The following DACH2 variants were observed in gnomAD, a reference collection of about 807,000 sequenced individuals.
DACH2 encodes the protein dachshund homolog 2.
In DACH2, 17 loss-of-function variants were observed where a neutral mutation model predicts 35.8. The observed-to-expected ratio is 0.48, with a 90% CI of 0.33 to 0.71. The LOEUF (loss-of-function observed/expected upper bound fraction) is 0.71. Among genes scored for constraint, DACH2 ranks in the 30% least tolerant of loss-of-function variants. DACH2 has a pLI of 0.02. For missense variants in DACH2, 469 were observed against 472.7 expected (o/e 0.99, Z 0.07); for synonymous variants, 195 against 177.3 (o/e 1.10, Z -0.79).
intron 1 of DACH2, among the ~76,000 whole-genome samples, chrX:86,331,153 T>A: frequency 9.0e-6 from 1 of 111,104 alleles, no homozygotes; most frequent in Non-Finnish European, 1.9e-5. Context: ...CACCATGGAG[T>A]TTGCACATGT....
At chrX:86,459,838 T>A (rs768084269) in intron 2 of DACH2, among the ~76,000 whole-genome samples, 1 of 105,049 alleles carries the variant, frequency 9.5e-6, no homozygotes, top group South Asian at 4.4e-4. Flanking sequence ...GTAAAACAAA[T>A]GCCATTAATG....
At chrX:86,664,832 C>A (rs1212720078) in intron 4 of DACH2, among the ~76,000 whole-genome samples, 1 of 112,051 alleles carries the variant, frequency 8.9e-6, no homozygotes, top group Admixed American at 9.5e-5. Flanking sequence ...GAATTCTCAG[C>A]TATTATGCAG....
intron 2 of DACH2, among the ~76,000 whole-genome samples, chrX:86,429,098 G>C (rs1392772650): frequency 9.0e-6 from 1 of 111,010 alleles, no homozygotes; most frequent in Non-Finnish European, 1.9e-5. Flanking sequence ...GGCATATACT[G>C]TACAGGTTGT....
At chrX:86,745,957 T>C (rs146118275) in intron 7 of DACH2, among the ~76,000 whole-genome samples, 15 of 111,420 alleles carry the variant, frequency 1.3e-4, no homozygotes, top group Admixed American at 1.9e-4. Context: ...TATCTCATAG[T>C]GGTTTTGGTT....
At chrX:86,805,100 G>A (rs763374642) in intron 7 of DACH2, among the ~76,000 whole-genome samples, 3 of 112,500 alleles carry the variant, frequency 2.7e-5, no homozygotes, top group Admixed American at 9.3e-5. Flanking sequence ...CTCTGCACTC[G>A]TAGAGGTTCT....
chrX:86,750,695 C>A (rs2041763861), intron 7 of DACH2, among the ~76,000 whole-genome samples: 1 of 111,989 alleles, frequency 8.9e-6, no homozygotes, highest in Non-Finnish European at 1.9e-5. Flanking sequence ...CAGTGTTTGT[C>A]ATTGTGTGAC....
chrX:86,637,246 A>AAAAAAAAAAAAAAAAAAG (rs2040282352), intron 3 of DACH2, among the ~76,000 whole-genome samples: 1 of 81,849 alleles, frequency 1.2e-5, no homozygotes, highest in African/African-American at 4.9e-5. Flanking sequence ...AAAAAAAAAA[A>AAAAAAAAAAAAAAAAAAG]CAGATGCTGG....
At chrX:86,243,320 G>A (rs909453261) in intron 1 of DACH2, among the ~76,000 whole-genome samples, 4 of 111,844 alleles carry the variant, frequency 3.6e-5, no homozygotes, top group Non-Finnish European at 5.6e-5. Context: ...CAAATAGGTA[G>A]ATTTTAGTTA....
At chrX:86,598,261 A>C (rs901135865) in intron 3 of DACH2, among the ~76,000 whole-genome samples, 1 of 111,285 alleles carries the variant, frequency 9.0e-6, no homozygotes, top group Non-Finnish European at 1.9e-5. Context: ...GTCCCTCTTT[A>C]TTGCTGGTAA....
At chrX:86,198,765 A>C (rs112936334) in intron 1 of DACH2, among the ~76,000 whole-genome samples, 3,966 of 110,999 alleles carry the variant, frequency 0.036, 192 homozygotes, top group African/African-American at 0.12. Flanking sequence ...AAATTGAGGC[A>C]GTAATAAATA....
At chrX:86,567,709 A>G (rs1208598204) in intron 3 of DACH2, among the ~76,000 whole-genome samples, 1 of 111,586 alleles carries the variant, frequency 9.0e-6, no homozygotes, top group Non-Finnish European at 1.9e-5. Flanking sequence ...AAATGTTCAC[A>G]GTATTTGTAG....
intron 1 of DACH2, among the ~76,000 whole-genome samples, chrX:86,290,886 G>A (rs1158402368): frequency 9.4e-6 from 1 of 106,803 alleles, no homozygotes; most frequent in Non-Finnish European, 1.9e-5. Context: ...TTTTGGCTTA[G>A]GATTGACTTG....
intron 1 of DACH2, among the ~76,000 whole-genome samples, chrX:86,373,549 G>A (rs2035921565): frequency 9.0e-6 from 1 of 110,812 alleles, no homozygotes; most frequent in South Asian, 3.7e-4. Flanking sequence ...AAATGTAGGG[G>A]CAGTAGCTGT....
intron 1 of DACH2, among the ~76,000 whole-genome samples, chrX:86,328,327 G>A (rs1406780831): frequency 9.0e-6 from 1 of 111,424 alleles, no homozygotes; most frequent in Non-Finnish European, 1.9e-5. Flanking sequence ...TATGGTAATA[G>A]AAGTATCTCA....
chrX:86,610,316 T>C (rs1469377270), intron 3 of DACH2, among the ~76,000 whole-genome samples: 1 of 111,082 alleles, frequency 9.0e-6, no homozygotes, highest in East Asian at 2.9e-4. Flanking sequence ...TCTTTCTTTC[T>C]TTCTCCTTCC....
chrX:86,213,182 G>A (rs910064781), intron 1 of DACH2, among the ~76,000 whole-genome samples: 1 of 111,529 alleles, frequency 9.0e-6, no homozygotes, highest in African/African-American at 3.2e-5. Flanking sequence ...AAGGGAATGA[G>A]CATAATCAAG....
At chrX:86,400,659 G>A (rs999346665) in intron 2 of DACH2, among the ~76,000 whole-genome samples, 1 of 111,933 alleles carries the variant, frequency 8.9e-6, no homozygotes, top group Non-Finnish European at 1.9e-5. Flanking sequence ...GACCCTGTTT[G>A]CCTGGGTATC....
intron 1 of DACH2, among the ~76,000 whole-genome samples, chrX:86,293,233 A>C (rs1005123587): frequency 2.0e-4 from 17 of 85,254 alleles, no homozygotes; most frequent in Non-Finnish European, 3.3e-4. Context: ...GTTGTATCAG[A>C]GACTAGGATT....
chrX:86,336,062 C>T (rs965867931), intron 1 of DACH2, among the ~76,000 whole-genome samples: 2 of 111,832 alleles, frequency 1.8e-5, no homozygotes, highest in African/African-American at 6.5e-5. Flanking sequence ...TATTGGTTTG[C>T]ATATTTTGAA....
Sources: allele counts gnomAD v4.1 joint callset (sites outside exome capture counted in the v4.1 genomes callset), GRCh38; gene constraint gnomAD v4.1.1; transcripts MANE v1.5; gene names NCBI Gene and HGNC (gene_info 2026-07-23, HGNC 2026-07-21).